Variants in PCDHGB7 observed in about 807,000 individuals in gnomAD.
PCDHGB7 encodes the protein protocadherin gamma-B7.
PCDHGB7 carries 37 observed loss-of-function variants against 61.4 expected under a neutral mutation model. The observed-to-expected ratio is 0.60, with a 90% CI of 0.46 to 0.79. PCDHGB7 has a LOEUF of 0.79. PCDHGB7 is among the 30% of genes least tolerant of loss of function. PCDHGB7 has a pLI of 0.00. For missense variants in PCDHGB7, 1,166 were observed against 1,202.5 expected, an observed-to-expected ratio of 0.97 and a Z score of 0.45; for synonymous variants, 464 against 503.5, an observed-to-expected ratio of 0.92 and a Z score of 1.05.
At position 141,419,661 on chromosome 5, in the gene PCDHGB7, A is replaced by G. The variant is rs1363084793; in HGVS notation, c.1802A>G (p.Asn601Ser). Reference protein sequence around the residue: ...VVAVDADSGHNAWLSYHVVQA... With the variant: ...VVAVDADSGHSAWLSYHVVQA... ...GCCGTGGACGCGGACTCGGGGCACA[A>G]TGCCTGGCTGTCCTACCACGTGGTG... Residue 601 changes from asparagine (N) to serine (S), a missense_variant, in exon 1 of 4, where the codon AAT becomes AGT. Transcript: ENST00000398594. The G allele has an allele frequency of 2.5e-6, 4 of 1,612,714 alleles. No homozygotes were observed. Among genetic ancestry groups the G allele is most frequent in the East Asian group, 2.2e-5 (1 of 44,892 alleles).
intron 1 of PCDHGB7, chr5:141,427,176 G>A (rs777424789): frequency 2.2e-6 from 1 of 456,742 alleles, no homozygotes; most frequent in Non-Finnish European, 4.4e-6. Context: ...TCAAAATGGG[G>A]AAATTAAATC....
intron 1 of PCDHGB7, among the ~76,000 whole-genome samples, chr5:141,438,976 C>T (rs2098079529): frequency 6.6e-6 from 1 of 151,928 alleles, no homozygotes; most frequent in Non-Finnish European, 1.5e-5. Context: ...AACTGTCTGA[C>T]TTATCTTAAA....
chr5:141,495,109 C>A (rs1445945970), intron 2 of PCDHGB7, among the ~76,000 whole-genome samples: 3 of 152,278 alleles, frequency 2.0e-5, no homozygotes, highest in South Asian at 2.1e-4. Context: ...CGACCGGCAC[C>A]TTTTCCTATC....
At chr5:141,438,591 C>CATATATATATATAT (rs946798767) in intron 1 of PCDHGB7, among the ~76,000 whole-genome samples, 3 of 75,556 alleles carry the variant, frequency 4.0e-5, no homozygotes, top group Non-Finnish European at 8.0e-5. Context: ...TACATACATA[C>CATATATATATATAT]ATATATATAT....
intron 1 of PCDHGB7, chr5:141,478,024 C>T: frequency 2.5e-6 from 4 of 1,614,188 alleles, no homozygotes; most frequent in Non-Finnish European, 3.4e-6. Context: ...CAGTCCAAGA[C>T]ACAGATTCAC....
chr5:141,509,785 C>T (rs1445220885), intron 3 of PCDHGB7, among the ~76,000 whole-genome samples: 1 of 152,166 alleles, frequency 6.6e-6, no homozygotes, highest in African/African-American at 2.4e-5. Context: ...CCGAGATCAT[C>T]ATCTCCTCAG....
At chr5:141,441,004 C>G (rs1258800474) in intron 1 of PCDHGB7, 1 of 152,066 alleles carries the variant, frequency 6.6e-6, no homozygotes, top group African/African-American at 2.4e-5. Flanking sequence ...TCTAGTTTGG[C>G]CTTGATCAAA....
chr5:141,419,705 C>A lies in PCDHGB7; in HGVS notation c.1846C>A (p.Leu616Ile). The A allele has an allele frequency of 6.2e-7, 1 of 1,613,038 alleles. No homozygotes were observed. Among genetic ancestry groups the A allele is most frequent in the South Asian group, 1.1e-5 (1 of 91,056 alleles). Residue 616 changes from leucine to isoleucine, a missense_variant, in exon 1 of 4, where the codon CTC becomes ATC. Leu to Ile is a conservative substitution (Grantham distance 5, BLOSUM62 2). Coordinates refer to ENST00000398594, the MANE Select transcript of PCDHGB7 (RefSeq NM_018927.4). The part of the protein sequence containing the change: ...YHVVQASEPG[L>I]FSLGLRTGEV... ...CGTGGTGCAGGCCAGTGAGCCCGGGCTCTTCAGCCTGGGGCTGCGAACAGG... is the reference window on the plus strand; with the variant it reads ...CGTGGTGCAGGCCAGTGAGCCCGGGATCTTCAGCCTGGGGCTGCGAACAGG...
intron 1 of PCDHGB7, among the ~76,000 whole-genome samples, chr5:141,480,672 T>A (rs1053078255): frequency 2.0e-5 from 3 of 152,166 alleles, no homozygotes; most frequent in African/African-American, 7.2e-5. Context: ...CCTAGAGACC[T>A]TTTAAAAATT....
At chr5:141,459,686 C>T (rs79275885) in intron 1 of PCDHGB7, among the ~76,000 whole-genome samples, 5,534 of 152,296 alleles carry the variant, frequency 0.036, 130 homozygotes, top group South Asian at 0.077. Flanking sequence ...ATGCATAAAG[C>T]GTTCCGCTTG....
At chr5:141,423,632 T>G in intron 1 of PCDHGB7, 1 of 1,602,602 alleles carries the variant, frequency 6.2e-7, no homozygotes, top group Non-Finnish European at 8.5e-7. Flanking sequence ...GCTATCATTT[T>G]AGGCAAATGT....
chr5:141,505,583 T>A, intron 3 of PCDHGB7, 102 bp downstream of exon 3: 1 of 1,583,650 alleles, frequency 6.3e-7, no homozygotes, highest in Non-Finnish European at 8.6e-7. Context: ...ACCTGTGTAG[T>A]TTCTCCAGAT....
At chr5:141,510,286 A>G (rs1011677966) in intron 3 of PCDHGB7, among the ~76,000 whole-genome samples, 1 of 151,770 alleles carries the variant, frequency 6.6e-6, no homozygotes, top group African/African-American at 2.4e-5. Flanking sequence ...AAAAAAAAAA[A>G]AAAAATGCTG....
chr5:141,447,681 C>T (rs2098548531), intron 1 of PCDHGB7, among the ~76,000 whole-genome samples: 1 of 152,066 alleles, frequency 6.6e-6, no homozygotes, highest in African/African-American at 2.4e-5. Flanking sequence ...TGTTCCATAT[C>T]TTGATAGAGG....
rs2099413641 is a variant in PCDHGB7, at chr5:141,477,586, T to C, written c.2416-17221T>C. The C allele has an allele frequency of 1.9e-6, 3 of 1,614,022 alleles. No individual in the cohort carries two copies. The highest frequency in any genetic ancestry group is 2.5e-6 in the Non-Finnish European group (3 of 1,180,036). On this transcript the variant is annotated intron_variant, in intron 1 of 3. Transcript: ENST00000398594. This position sits in a 1 kb window ranked among gnomAD's most constrained non-coding sequence, Gnocchi z 4.9. ...GGGACCCCGACGCCCCGCAGAATGC[T>C]CGGCTTTCTTTCTTTCTCTTGGAGC... is the stretch of plus-strand genomic sequence containing the variant.
chr5:141,475,739 T>C (rs190533989), intron 1 of PCDHGB7, among the ~76,000 whole-genome samples: 593 of 152,384 alleles, frequency 3.9e-3, no homozygotes, highest in Non-Finnish European at 6.7e-3. Flanking sequence ...TTCCCTAAGG[T>C]AGGTTTCCTA....
chr5:141,427,697 A>G (rs1306378691), intron 1 of PCDHGB7: 3 of 924,392 alleles, frequency 3.2e-6, no homozygotes, highest in South Asian at 1.4e-5. Context: ...CCATCCCACA[A>G]GTCAGCGCCT....
At chr5:141,430,729 G>T in intron 1 of PCDHGB7, 1 of 1,499,360 alleles carries the variant, frequency 6.7e-7, no homozygotes, top group East Asian at 2.3e-5. Flanking sequence ...GTTAAGGGCA[G>T]AATTGAAAAT....
Position 141,477,128 on chromosome 5 carries a change from G to C in PCDHGB7, c.2416-17679G>C. On this transcript the variant is annotated intron_variant, in intron 1 of 3. Transcript: ENST00000398594. The surrounding 1 kb of genome is among the most constrained non-coding windows in gnomAD (Gnocchi z 4.9). ...CAATCCCGAAGGAGCACATTGCAAA[G>C]TGTTGGTGGAGGTTGTGGATGTGAA... 1.9e-6 allele frequency: 3 copies of C among 1,614,250 alleles called. No homozygotes were observed. The highest frequency in any genetic ancestry group is 2.5e-6 in the Non-Finnish European group (3 of 1,180,046).
Sources: gnomAD v4.1 joint callset for allele counts (sites outside exome capture counted in the v4.1 genomes callset) on GRCh38, gnomAD v4.1.1 for gene constraint, Gnocchi (gnomAD v3.1) non-coding constraint, MANE v1.5 for transcripts, NCBI Gene and HGNC (gene_info 2026-07-23, HGNC 2026-07-21) for gene names.